The following THSD7B variants were observed in gnomAD, a reference collection of about 807,000 sequenced individuals.
THSD7B encodes the protein thrombospondin type 1 domain containing 7B.
In THSD7B, 138 loss-of-function variants were observed where a neutral mutation model predicts 213.6. That is an observed-to-expected ratio of 0.65 (90% CI 0.56 to 0.74). The LOEUF (loss-of-function observed/expected upper bound fraction) is 0.74, where lower values mean the gene tolerates loss of function less well. Ranked by LOEUF, THSD7B falls within the 30% of genes least tolerant of loss-of-function variation. THSD7B has a pLI of 0.00. For synonymous variants in THSD7B, 742 were observed against 687.0 expected (o/e 1.08, Z -1.25); for missense variants, 1,931 against 1,991.5 (o/e 0.97, Z 0.58).
At chr2:137,533,101 G>A (rs1417411265) in intron 15 of THSD7B, among the ~76,000 whole-genome samples, 1 of 151,410 alleles carries the variant, frequency 6.6e-6, no homozygotes, top group East Asian at 2.0e-4. Flanking sequence ...TCTTAACAAT[G>A]TAGCTTAGAA....
At chr2:137,361,015 A>T (rs1311144321) in intron 12 of THSD7B, among the ~76,000 whole-genome samples, 1 of 152,138 alleles carries the variant, frequency 6.6e-6, no homozygotes, top group African/African-American at 2.4e-5. Flanking sequence ...CAGAGGAAGG[A>T]TCAAGCAGCA....
Position 137,405,775 on chromosome 2 carries a change from A to C in THSD7B, c.2663A>C (p.Glu888Ala). ...SKFTPCSTNCEATKSRRRQLT... is the reference protein window; with the variant it reads ...SKFTPCSTNCAATKSRRRQLT... ...TTTACGCCCTGCTCCACGAACTGTG[A>C]AGCCACAAAAAGTAGGCGGCGACAG... The change falls in exon 13 of 28, where the codon GAA (glutamate) becomes GCA (alanine). Residue 888 changes from glutamate to alanine, a missense_variant. Glu to Ala is a moderately radical substitution (Grantham distance 107). Coordinates refer to ENST00000409968, the MANE Select transcript of THSD7B (RefSeq NM_001316349.2). The C allele has an allele frequency of 6.2e-7, 1 of 1,613,168 alleles. No homozygotes were observed. Among genetic ancestry groups the C allele is most frequent in the Non-Finnish European group, 8.5e-7 (1 of 1,179,566 alleles).
chr2:137,020,986 C>T (rs1032477121), intron 2 of THSD7B, among the ~76,000 whole-genome samples: 4 of 152,160 alleles, frequency 2.6e-5, no homozygotes, highest in Admixed American at 6.5e-5. Context: ...AGCTATCTAG[C>T]GAACAATGCT....
intron 5 of THSD7B, among the ~76,000 whole-genome samples, chr2:137,119,348 T>C (rs1029302997): frequency 6.6e-6 from 1 of 152,240 alleles, no homozygotes; most frequent in Non-Finnish European, 1.5e-5. Flanking sequence ...GTGTCCCCAG[T>C]AATTTACAGG....
Position 137,655,681 on chromosome 2 carries a change from G to A in THSD7B, c.4105+21G>A, listed in dbSNP as rs1293323033. ...CCCAGGTATGCAATGCTAGTGATTG[G>A]GAGCGCCTCCCATGGTGATCTTTTT... On this transcript the variant is annotated intron_variant, in intron 22 of 27. Transcript: ENST00000409968. The A allele has an allele frequency of 2.5e-6, 4 of 1,606,906 alleles. No homozygotes were observed. The African/African-American group carries it at 5.4e-5, about 21-fold the overall frequency.
intron 10 of THSD7B, among the ~76,000 whole-genome samples, chr2:137,257,240 C>T (rs974672731): frequency 2.6e-5 from 4 of 152,110 alleles, no homozygotes; most frequent in Non-Finnish European, 5.9e-5. Context: ...TATCATAACT[C>T]GATAGTGTTT....
chr2:137,429,138 A>G (rs957409092), intron 14 of THSD7B, among the ~76,000 whole-genome samples: 1 of 152,150 alleles, frequency 6.6e-6, no homozygotes, highest in African/African-American at 2.4e-5. Flanking sequence ...GGAGACAGAA[A>G]TTTGGTTAGT....
chr2:137,306,258 G>T (rs1371883554), intron 12 of THSD7B, among the ~76,000 whole-genome samples: 2 of 152,098 alleles, frequency 1.3e-5, no homozygotes, highest in East Asian at 1.9e-4. Flanking sequence ...TAATGTTATG[G>T]GACCACCATT....
intron 10 of THSD7B, among the ~76,000 whole-genome samples, chr2:137,271,850 A>G (rs1045428789): frequency 6.6e-6 from 1 of 152,156 alleles, no homozygotes; most frequent in African/African-American, 2.4e-5. Context: ...TTCAGAAGGC[A>G]TCTAAAGATT....
At chr2:137,376,992 T>A (rs1685671636) in intron 12 of THSD7B, among the ~76,000 whole-genome samples, 1 of 152,232 alleles carries the variant, frequency 6.6e-6, no homozygotes, top group Non-Finnish European at 1.5e-5. Context: ...GGGAGTTAGA[T>A]GATTTCTTAC....
At chr2:137,546,478 AATAT>A (rs369894283) in intron 15 of THSD7B, among the ~76,000 whole-genome samples, 1 of 55,640 alleles carries the variant, frequency 1.8e-5, no homozygotes, top group Non-Finnish European at 3.0e-5. Context: ...ATATATATAT[AATAT>A]ATATATATAT....
chr2:137,342,435 A>G (rs915704852), intron 12 of THSD7B, among the ~76,000 whole-genome samples: 1 of 151,516 alleles, frequency 6.6e-6, no homozygotes, highest in Admixed American at 6.6e-5. Flanking sequence ...TTCATATATA[A>G]GAAAGATTAT....
chr2:137,289,929 C>T (rs1192181479), intron 12 of THSD7B, among the ~76,000 whole-genome samples: 3 of 151,892 alleles, frequency 2.0e-5, no homozygotes. Flanking sequence ...AAAGAAAATC[C>T]TTTTTTCTTT....
intron 17 of THSD7B, among the ~76,000 whole-genome samples, chr2:137,573,497 G>A (rs1436380753): frequency 1.3e-5 from 2 of 151,870 alleles, no homozygotes; most frequent in Non-Finnish European, 2.9e-5. Context: ...TCACTCTATT[G>A]TTATTTTTAT....
At chr2:137,032,094 G>A (rs1686685788) in intron 2 of THSD7B, among the ~76,000 whole-genome samples, 1 of 151,808 alleles carries the variant, frequency 6.6e-6, no homozygotes, top group African/African-American at 2.4e-5. Context: ...ACCTACCTCG[G>A]CCTCCCAAAA....
At chr2:137,173,929 G>A (rs1680313901) in intron 7 of THSD7B, among the ~76,000 whole-genome samples, 1 of 152,120 alleles carries the variant, frequency 6.6e-6, no homozygotes, top group Non-Finnish European at 1.5e-5. Flanking sequence ...GAGATATACA[G>A]TGTCCTTTGA....
intron 2 of THSD7B, among the ~76,000 whole-genome samples, chr2:136,942,667 A>G (rs1684848863): frequency 6.6e-6 from 1 of 152,192 alleles, no homozygotes; most frequent in African/African-American, 2.4e-5. Flanking sequence ...TTATTGCTGT[A>G]TAGGAATGCT....
intron 2 of THSD7B, among the ~76,000 whole-genome samples, chr2:136,901,209 T>C (rs1164545542): frequency 2.0e-5 from 3 of 152,210 alleles, no homozygotes; most frequent in Non-Finnish European, 4.4e-5. Flanking sequence ...ACTTATTATG[T>C]GTCAGATGCT....
chr2:136,828,270 T>TGTTTCTTTCTCAGTTTCTTTCTCA (rs2104944570), intron 1 of THSD7B, among the ~76,000 whole-genome samples: 1 of 152,284 alleles, frequency 6.6e-6, no homozygotes, highest in East Asian at 1.9e-4. Flanking sequence ...TCTCAGTTAA[T>TGTTTCTTTCTCAGTTTCTTTCTCA]GGCACTATCA....
Sources: allele counts gnomAD v4.1 joint callset (sites outside exome capture counted in the v4.1 genomes callset), GRCh38; gene constraint gnomAD v4.1.1; transcripts MANE v1.5; gene names NCBI Gene and HGNC (gene_info 2026-07-23, HGNC 2026-07-21).